The following ADAMTS6 variants were observed in gnomAD, a reference collection of about 807,000 sequenced individuals.
The protein encoded by ADAMTS6 is ADAM metallopeptidase with thrombospondin type 1 motif 6, also known as A disintegrin and metalloproteinase with thrombospondin motifs 6.
A neutral mutation model predicts 144.3 loss-of-function variants in ADAMTS6; 23 were observed. That is an observed-to-expected ratio of 0.16 (90% CI 0.11 to 0.23). The LOEUF is 0.23. ADAMTS6 is among the 10% of genes least tolerant of loss of function. The probability of loss-of-function intolerance (pLI) is 1.00; values close to 1 mark genes in which losing one functional copy is unlikely to be tolerated. For synonymous variants in ADAMTS6, 444 were observed against 457.5 expected (o/e 0.97, Z 0.38); for missense variants, 999 against 1,379.6 (o/e 0.72, Z 4.37).
chr5:65,325,948 T>C (rs1746123730), intron 9 of ADAMTS6, among the ~76,000 whole-genome samples: 1 of 152,214 alleles, frequency 6.6e-6, no homozygotes, highest in African/African-American at 2.4e-5. Flanking sequence ...AACAGTGGCA[T>C]AATGAACTGC....
intron 7 of ADAMTS6, among the ~76,000 whole-genome samples, chr5:65,342,423 G>T (rs974397696): frequency 1.7e-4 from 26 of 151,932 alleles, no homozygotes; most frequent in African/African-American, 5.8e-4. Flanking sequence ...GAATAGCATG[G>T]GAAAGACCCA....
intron 14 of ADAMTS6, among the ~76,000 whole-genome samples, chr5:65,260,142 G>T (rs909559372): frequency 1.3e-5 from 2 of 152,126 alleles, no homozygotes; most frequent in Non-Finnish European, 2.9e-5. Flanking sequence ...AAGTACAGAA[G>T]AAGTTTCAGT....
At chr5:65,370,538 A>G (rs1561471928) in intron 7 of ADAMTS6, among the ~76,000 whole-genome samples, 2 of 152,108 alleles carry the variant, frequency 1.3e-5, no homozygotes, top group East Asian at 3.9e-4. Context: ...AAGTCGGGTC[A>G]CTCCCACCCA....
intron 7 of ADAMTS6, among the ~76,000 whole-genome samples, chr5:65,431,658 T>C (rs181515364): frequency 4.6e-4 from 70 of 152,264 alleles, no homozygotes; most frequent in African/African-American, 1.7e-3. Flanking sequence ...ATATTAGTTT[T>C]CTAACTGAAA....
At chr5:65,205,473 T>A (rs1359458882) in intron 20 of ADAMTS6, among the ~76,000 whole-genome samples, 1 of 152,208 alleles carries the variant, frequency 6.6e-6, no homozygotes, top group East Asian at 1.9e-4. Context: ...AGTACTGGCC[T>A]AAAGACTGTA....
intron 3 of ADAMTS6, among the ~76,000 whole-genome samples, chr5:65,465,266 C>T (rs1207780924): frequency 6.6e-6 from 1 of 152,134 alleles, no homozygotes; most frequent in South Asian, 2.1e-4. Context: ...CATTGCAAAA[C>T]CTCCTACAAA....
Position 65,151,504 on chromosome 5 carries a change from A to C in ADAMTS6, c.*332T>G. 1 of 237,130 alleles carries C rather than the reference A, an allele frequency of 4.2e-6. No individual in the cohort carries two copies. 14.7% of individuals were successfully genotyped at this position (237,130 alleles called of 1,614,324 possible). A position where few individuals can be genotyped will look rare whatever the true frequency, so the allele number is the denominator to read the frequency against. On this transcript the variant is annotated 3_prime_UTR_variant, in exon 25 of 25. Coordinates refer to ENST00000381055, the MANE Select transcript of ADAMTS6 (RefSeq NM_197941.4). The stretch of plus-strand genomic sequence containing the variant: ...TGTCATTGCTAAGTCCATAATAAAA[A>C]TTATCTTAATGGTCCAAGGAGGTAA...
intron 20 of ADAMTS6, among the ~76,000 whole-genome samples, chr5:65,200,472 G>T (rs1215919958): frequency 6.6e-6 from 1 of 152,012 alleles, no homozygotes; most frequent in Non-Finnish European, 1.5e-5. Context: ...TTTTAAACCC[G>T]GTTGGGAATA....
intron 3 of ADAMTS6, among the ~76,000 whole-genome samples, chr5:65,469,278 C>T (rs554318310): frequency 1.3e-5 from 2 of 152,306 alleles, no homozygotes; most frequent in Admixed American, 1.3e-4. Flanking sequence ...TTGTCTCCTA[C>T]ATGTTCTAAA....
chr5:65,442,399 A>T (rs1479237216), intron 7 of ADAMTS6, among the ~76,000 whole-genome samples: 1 of 152,156 alleles, frequency 6.6e-6, no homozygotes, highest in Non-Finnish European at 1.5e-5. Context: ...TTTAACTGGT[A>T]GTTTAAAAAA....
At chr5:65,236,564 G>A (rs1397081246) in intron 15 of ADAMTS6, among the ~76,000 whole-genome samples, 3 of 152,104 alleles carry the variant, frequency 2.0e-5, no homozygotes, top group African/African-American at 7.2e-5. Context: ...TGAGATTACA[G>A]GCATGAGCCA....
intron 7 of ADAMTS6, among the ~76,000 whole-genome samples, chr5:65,412,258 C>A (rs975720932): frequency 1.3e-5 from 2 of 151,984 alleles, no homozygotes; most frequent in Non-Finnish European, 2.9e-5. Flanking sequence ...CCCTTAAAAA[C>A]CAAGAAATTA....
At chr5:65,400,369 T>A (rs1037314076) in intron 7 of ADAMTS6, among the ~76,000 whole-genome samples, 1 of 152,048 alleles carries the variant, frequency 6.6e-6, no homozygotes, top group African/African-American at 2.4e-5. Context: ...CACTACTGCA[T>A]ATGGCTTTTT....
At chr5:65,366,042 C>T (rs185530498) in intron 7 of ADAMTS6, among the ~76,000 whole-genome samples, 3 of 151,818 alleles carry the variant, frequency 2.0e-5, no homozygotes, top group African/African-American at 7.2e-5. Flanking sequence ...ACCATAGGTA[C>T]AAAGTCATTG....
intron 9 of ADAMTS6, among the ~76,000 whole-genome samples, chr5:65,319,898 C>T (rs1339194730): frequency 3.9e-5 from 6 of 152,160 alleles, no homozygotes; most frequent in Non-Finnish European, 8.8e-5. Flanking sequence ...GGCTGGAGTG[C>T]AATGTTGTGA....
intron 20 of ADAMTS6, chr5:65,210,865 G>C (rs551758990): frequency 5.6e-5 from 19 of 338,638 alleles, no homozygotes; most frequent in African/African-American, 1.7e-4. Context: ...TGCCACAGGA[G>C]AGAATCCAGT....
At chr5:65,245,909 G>A (rs891921889) in intron 14 of ADAMTS6, among the ~76,000 whole-genome samples, 4 of 152,000 alleles carry the variant, frequency 2.6e-5, no homozygotes, top group Non-Finnish European at 4.4e-5. Flanking sequence ...TGTCAACCCC[G>A]GTATAGGGTG....
In ADAMTS6 at chr5:65,260,592, T is replaced by C; in HGVS notation, c.1830+8A>G. ...TAATTTTTCATAACAGAGTTTGGTT[T>C]TACTTACATCTGTGTTACAGGAGCG... is the stretch of plus-strand genomic sequence containing the variant. On this transcript the variant is annotated splice_region_variant and intron_variant, in intron 14 of 24. Coordinates refer to ENST00000381055, the MANE Select transcript of ADAMTS6 (RefSeq NM_197941.4). 1 of 1,612,528 alleles carries C rather than the reference T, an allele frequency of 6.2e-7. No individual in the cohort carries two copies. Among genetic ancestry groups the C allele is most frequent in the Non-Finnish European group, 8.5e-7 (1 of 1,179,208 alleles).
At chr5:65,476,273 C>G (rs978436019) in intron 1 of ADAMTS6, among the ~76,000 whole-genome samples, 2 of 152,166 alleles carry the variant, frequency 1.3e-5, no homozygotes, top group Non-Finnish European at 2.9e-5. Context: ...AGACCCTAGT[C>G]CTTGCCAACA....
Sources: gnomAD v4.1 joint callset for allele counts (sites outside exome capture counted in the v4.1 genomes callset) on GRCh38, gnomAD v4.1.1 for gene constraint, MANE v1.5 for transcripts, NCBI Gene and HGNC (gene_info 2026-07-23, HGNC 2026-07-21) for gene names.